DHRS7B: variants seen among roughly 807,000 people sequenced by gnomAD.
The protein encoded by DHRS7B is peroxisomal reductase activating PPAR-gamma.
In DHRS7B, 24 loss-of-function variants were observed where a neutral mutation model predicts 26.4. The observed-to-expected ratio is 0.91, with a 90% CI of 0.66 to 1.28. The LOEUF (loss-of-function observed/expected upper bound fraction) is 1.28, where lower values mean the gene tolerates loss of function less well. DHRS7B is among the 50% of genes most tolerant of loss of function. The pLI, the probability that DHRS7B is intolerant of heterozygous loss-of-function variation, is 0.00. For synonymous variants in DHRS7B, 142 were observed against 166.4 expected, an observed-to-expected ratio of 0.85 and a Z score of 1.13; for missense variants, 368 against 419.4, an observed-to-expected ratio of 0.88 and a Z score of 1.07.
chr17:21,178,749 C>A (rs894012453), intron 3 of DHRS7B, among the ~76,000 whole-genome samples: 1 of 151,748 alleles, frequency 6.6e-6, no homozygotes, highest in Non-Finnish European at 1.5e-5. Flanking sequence ...ATCTCTGCCC[C>A]CTGGGTTCAA....
chr17:21,150,433 T>C (rs1307194258), intron 1 of DHRS7B, among the ~76,000 whole-genome samples: 1 of 151,898 alleles, frequency 6.6e-6, no homozygotes, highest in African/African-American at 2.4e-5. Flanking sequence ...CCTGGCCAAC[T>C]TGGTGAAACC....
intron 1 of DHRS7B, among the ~76,000 whole-genome samples, chr17:21,144,393 A>G (rs1259607188): frequency 1.3e-5 from 2 of 152,228 alleles, no homozygotes; most frequent in Non-Finnish European, 2.9e-5. Flanking sequence ...TTGCTCCAAC[A>G]TGCAGTAACT....
intron 3 of DHRS7B, among the ~76,000 whole-genome samples, chr17:21,178,563 TG>T (rs1974439486): frequency 6.6e-6 from 1 of 152,060 alleles, no homozygotes; most frequent in Admixed American, 6.5e-5. Context: ...GCTAGCACTG[TG>T]AGTTGAGAAA....
intron 1 of DHRS7B, among the ~76,000 whole-genome samples, chr17:21,131,557 CA>C (rs1246051926): frequency 6.6e-6 from 1 of 152,224 alleles, no homozygotes; most frequent in African/African-American, 2.4e-5. Flanking sequence ...GCTTTATCAG[CA>C]AGGTCTTTCT....
At chr17:21,178,770 C>T (rs951062919) in intron 3 of DHRS7B, among the ~76,000 whole-genome samples, 28 of 151,586 alleles carry the variant, frequency 1.8e-4, no homozygotes, top group Admixed American at 6.6e-4. Flanking sequence ...GCGATTCTTC[C>T]GCCTCAGCCT....
At chr17:21,130,190 G>A (rs888689395) in intron 1 of DHRS7B, among the ~76,000 whole-genome samples, 9 of 152,156 alleles carry the variant, frequency 5.9e-5, no homozygotes, top group Non-Finnish European at 1.2e-4. Context: ...CTGAGGTCAG[G>A]AGTTCGAGAC....
At chr17:21,186,431 G>A (rs530830362) in intron 5 of DHRS7B, among the ~76,000 whole-genome samples, 98 of 152,310 alleles carry the variant, frequency 6.4e-4, no homozygotes, top group African/African-American at 2.2e-3. Context: ...CCAAGCCTGG[G>A]CTGTACTCTT....
intron 1 of DHRS7B, among the ~76,000 whole-genome samples, chr17:21,151,356 A>T (rs962715284): frequency 1.1e-4 from 17 of 151,376 alleles, no homozygotes; most frequent in South Asian, 2.1e-4. Context: ...ATAAAAAATT[A>T]AAAAAAAATT....
chr17:21,171,538 C>T (rs1232312896), intron 1 of DHRS7B: 1 of 260,694 alleles, frequency 3.8e-6, no homozygotes, highest in African/African-American at 2.2e-5. Context: ...AAACGTCCGT[C>T]CTCTGAGTGT....
At chr17:21,180,137 C>T (rs1041244073) in intron 3 of DHRS7B, among the ~76,000 whole-genome samples, 3 of 149,654 alleles carry the variant, frequency 2.0e-5, no homozygotes, top group African/African-American at 5.0e-5. Context: ...TGCAGTGACA[C>T]GATCTTGGCT....
At chr17:21,142,677 C>T (rs1203533990) in intron 1 of DHRS7B, among the ~76,000 whole-genome samples, 1 of 151,982 alleles carries the variant, frequency 6.6e-6, no homozygotes, top group Non-Finnish European at 1.5e-5. Flanking sequence ...CTCTCCCACC[C>T]CCTCACCCCC....
intron 1 of DHRS7B, among the ~76,000 whole-genome samples, chr17:21,141,668 G>A (rs1313894059): frequency 7.9e-6 from 1 of 125,872 alleles, no homozygotes; most frequent in Non-Finnish European, 1.6e-5. Flanking sequence ...CCACAAAGGA[G>A]TTACTACTGC....
At chr17:21,134,439 CCTGGGGCTT>C (rs1449219670) in intron 1 of DHRS7B, among the ~76,000 whole-genome samples, 1 of 152,138 alleles carries the variant, frequency 6.6e-6, no homozygotes, top group African/African-American at 2.4e-5. Context: ...CCAAGATAAA[CCTGGGGCTT>C]CTGGGACTGT....
intron 1 of DHRS7B, among the ~76,000 whole-genome samples, chr17:21,129,707 A>G (rs1424496760): frequency 7.1e-6 from 1 of 141,694 alleles, no homozygotes; most frequent in Non-Finnish European, 1.5e-5. Context: ...CCTGACTCAA[A>G]AAAAAAAAAA....
chr17:21,157,522 C>A (rs1364089790), intron 1 of DHRS7B, among the ~76,000 whole-genome samples: 1 of 152,060 alleles, frequency 6.6e-6, no homozygotes, highest in Non-Finnish European at 1.5e-5. Flanking sequence ...CAGAGCAAGA[C>A]CTCATCTCTA....
chr17:21,129,643 T>C (rs762593236), intron 1 of DHRS7B, among the ~76,000 whole-genome samples: 33 of 133,502 alleles, frequency 2.5e-4, no homozygotes, highest in Non-Finnish European at 4.6e-4. Context: ...AGTTTGCGGC[T>C]ACAGTAAACT....
intron 2 of DHRS7B, 123 bp downstream of exon 2, chr17:21,172,319 G>T: frequency 4.1e-6 from 5 of 1,221,672 alleles, no homozygotes; most frequent in Non-Finnish European, 4.6e-6. Flanking sequence ...CCAGATAAGG[G>T]AAGTGGGCCG....
intron 2 of DHRS7B, among the ~76,000 whole-genome samples, chr17:21,175,015 G>C (rs1974342275): frequency 1.3e-5 from 2 of 152,184 alleles, no homozygotes; most frequent in Non-Finnish European, 1.5e-5. Context: ...GTTGGGATGA[G>C]CCAACGAACA....
chr17:21,155,813 T>A (rs1973867133), intron 1 of DHRS7B, among the ~76,000 whole-genome samples: 2 of 152,156 alleles, frequency 1.3e-5, no homozygotes, highest in African/African-American at 4.8e-5. Context: ...AACAGAAAGA[T>A]AACTGGAAAT....
Sources: allele counts gnomAD v4.1 joint callset (sites outside exome capture counted in the v4.1 genomes callset), GRCh38; gene constraint gnomAD v4.1.1; transcripts MANE v1.5; gene names NCBI Gene and HGNC (gene_info 2026-07-23, HGNC 2026-07-21).